SACS: variants seen among roughly 807,000 people sequenced by gnomAD.
SACS encodes sacsin.
Under a neutral mutation model 348.0 loss-of-function variants are expected in SACS, and 197 were observed. That is an observed-to-expected ratio of 0.57 (90% CI 0.50 to 0.64). SACS has a LOEUF of 0.64. Among genes scored for constraint, SACS ranks in the 30% least tolerant of loss-of-function variants. The pLI is 0.00. For synonymous variants in SACS, 1,985 were observed against 1,910.6 expected, an observed-to-expected ratio of 1.04 and a Z score of -1.02; for missense variants, 4,999 against 5,360.8, an observed-to-expected ratio of 0.93 and a Z score of 2.11.
chr13:23,390,363 A>T (rs1057337545), intron 2 of SACS, among the ~76,000 whole-genome samples: 1 of 152,194 alleles, frequency 6.6e-6, no homozygotes, highest in African/African-American at 2.4e-5. Context: ...AACAAATGAG[A>T]TCATTTAAAA....
chr13:23,337,743 T>G lies in SACS; in HGVS notation c.6133A>C (p.Ile2045Leu). The G allele has an allele frequency of 6.2e-7, 1 of 1,613,910 alleles. No individual in the cohort carries two copies. The highest frequency in any genetic ancestry group is 2.2e-5 in the East Asian group (1 of 44,874). Residue 2045 changes from isoleucine to leucine, a missense_variant, in exon 10 of 10, where the codon ATA (isoleucine) becomes CTA (leucine). Ile to Leu is a conservative substitution (Grantham distance 5, BLOSUM62 2). Around this residue, in one of 6 missense-constraint regions of SACS, gnomAD observed 3,156 missense variants for 3,380.1 expected, o/e 0.93. Coordinates refer to ENST00000382292, the MANE Select transcript of SACS (RefSeq NM_014363.6). ...TCTGAAAATGTGTTTTCAAGTAGTA[T>G]CTGTTTGCAGCCAGCTTCTTCAAAT... is the stretch of plus-strand genomic sequence containing the variant. ...LGFEEAGCKQ[I>L]LLENTFSEKQ...
At chr13:23,383,109 T>C (rs1246260076) in intron 2 of SACS, among the ~76,000 whole-genome samples, 1 of 152,190 alleles carries the variant, frequency 6.6e-6, no homozygotes. Flanking sequence ...TTTCTGAATA[T>C]TTTCCAATTT....
rs1883476814 is a variant in SACS, at chr13:23,331,555, T to C, written c.12321A>G (p.Lys4107=). The C allele has an allele frequency of 6.2e-7, 1 of 1,613,892 alleles. No individual in the cohort carries two copies. The highest frequency in any genetic ancestry group is 8.5e-7 in the Non-Finnish European group (1 of 1,179,818). ...NFLLALAMTL[K]SATDNLISDT... ...CAGAAATCAAATTGTCAGTTGCTGA[T>C]TTAAGAGTCATTGCCAATGCTAACA... is the stretch of plus-strand genomic sequence containing the variant. Residue 4107 remains lysine (K), a synonymous_variant, in exon 10 of 10, where the codon AAA becomes AAG. Coordinates refer to ENST00000382292, the MANE Select transcript of SACS (RefSeq NM_014363.6).
intron 2 of SACS, among the ~76,000 whole-genome samples, chr13:23,395,018 G>T (rs1336032953): frequency 6.6e-6 from 1 of 152,206 alleles, no homozygotes; most frequent in East Asian, 1.9e-4. Context: ...AGTGCTCCAG[G>T]TAAAGACAGA....
At position 23,375,625 on chromosome 13, in the gene SACS, C is replaced by A. The variant is rs564968092; in HGVS notation, c.21-356G>T. 3.5e-3 allele frequency: 3,392 copies of A among 958,254 alleles called. 10 individuals are homozygous for A. Among genetic ancestry groups the A allele is most frequent in the Non-Finnish European group, 4.0e-3 (3,238 of 801,912 alleles). The allele number at this position is 958,254 out of a possible 1,614,324, so 59.4% of individuals were successfully genotyped here. ...CGGGGACACGCCCACCCGCCGGGAC[C>A]GTTAGCTGGGGATCCGCCCCGCCCC... On this transcript the variant is annotated intron_variant, in intron 2 of 9. Transcript: ENST00000382292.
intron 2 of SACS, among the ~76,000 whole-genome samples, chr13:23,409,537 G>A (rs914387434): frequency 1.3e-5 from 2 of 149,314 alleles, no homozygotes; most frequent in East Asian, 2.0e-4. Context: ...TAGTAAAGAC[G>A]GGGTTTTGCC....
chr13:23,386,993 A>G (rs1872314769), intron 2 of SACS, among the ~76,000 whole-genome samples: 1 of 152,206 alleles, frequency 6.6e-6, no homozygotes, highest in Non-Finnish European at 1.5e-5. Context: ...GTGACACCAT[A>G]GATTAGTAAT....
intron 6 of SACS, among the ~76,000 whole-genome samples, chr13:23,359,117 G>A (rs1870574633): frequency 1.3e-5 from 2 of 152,130 alleles, no homozygotes; most frequent in Admixed American, 1.3e-4. Context: ...GAGAGGCAGA[G>A]GCTTCAGTGA....
chr13:23,338,502 G>GAGC lies in SACS; in HGVS notation c.5371_5373dup (p.Ala1791dup). ...TGGCCAGACTTAGCCATTTCAAAGA[G>GAGC]AGCAGCTGGGTCATCATCTGGACCT... On this transcript the variant is annotated inframe_insertion, in exon 10 of 10. Coordinates refer to ENST00000382292, the MANE Select transcript of SACS (RefSeq NM_014363.6). The GAGC allele has an allele frequency of 6.2e-7, 1 of 1,614,160 alleles. No homozygotes were observed. Among genetic ancestry groups the GAGC allele is most frequent in the South Asian group, 1.1e-5 (1 of 91,084 alleles).
intron 2 of SACS, among the ~76,000 whole-genome samples, chr13:23,396,140 A>C (rs997078437): frequency 6.6e-6 from 1 of 152,142 alleles, no homozygotes. Flanking sequence ...CCTGGCCAAC[A>C]TGGTGAAACC....
intron 9 of SACS, among the ~76,000 whole-genome samples, chr13:23,353,426 T>C (rs1336469776): frequency 6.6e-6 from 1 of 152,226 alleles, no homozygotes; most frequent in Non-Finnish European, 1.5e-5. Flanking sequence ...TCTCCTCTTC[T>C]GTGAAATTTA....
Position 23,354,759 on chromosome 13 carries a change from G to A in SACS, c.1853C>T (p.Ser618Phe), listed in dbSNP as rs1333181925. ...CACCTTCCTCACAGGTGTTGTGCCA[G>A]AGGCAGCTGTGAGCTGAACAGCAGC... is the stretch of plus-strand genomic sequence containing the variant. ...VDAAVQLTAASGTTPVRKVTP... is the reference protein window; with the variant it reads ...VDAAVQLTAAFGTTPVRKVTP... Residue 618 changes from serine to phenylalanine, a missense_variant, in exon 8 of 10, where the codon TCT becomes TTT. Coordinates refer to ENST00000382292, the MANE Select transcript of SACS (RefSeq NM_014363.6). 14 of 1,613,912 alleles carry A rather than the reference G, an allele frequency of 8.7e-6. No individual in the cohort carries two copies. Among genetic ancestry groups the A allele is most frequent in the Non-Finnish European group, 1.2e-5 (14 of 1,179,948 alleles).
intron 2 of SACS, among the ~76,000 whole-genome samples, chr13:23,384,677 A>T (rs1034616423): frequency 6.6e-6 from 1 of 152,178 alleles, no homozygotes; most frequent in African/African-American, 2.4e-5. Flanking sequence ...ATGGTGAAAA[A>T]AACAGGGCCC....
At chr13:23,396,374 G>A (rs1213402909) in intron 2 of SACS, among the ~76,000 whole-genome samples, 1 of 149,428 alleles carries the variant, frequency 6.7e-6, no homozygotes. Flanking sequence ...AAAACTCCCA[G>A]AAATCCAGAT....
Position 23,330,868 on chromosome 13 carries a change from C to T in SACS, c.13008G>A (p.Trp4336Ter). 6.2e-7 allele frequency: 1 copy of T among 1,614,018 alleles called. No individual in the cohort carries two copies. The highest frequency in any genetic ancestry group is 8.5e-7 in the Non-Finnish European group (1 of 1,180,006). ...GGTTCTCTGGATTTTTGTCAGGATGCCATTTCAAATACAACCGCCTAATAA... is the reference window on the plus strand; with the variant it reads ...GGTTCTCTGGATTTTTGTCAGGATGTCATTTCAAATACAACCGCCTAATAA... ...KKIIRRLYLK[W>*]HPDKNPENHD... The change falls in exon 10 of 10, where the codon TGG becomes TGA. Residue 4336 changes from tryptophan (W) to a stop codon, truncating the protein, a stop_gained. Transcript: ENST00000382292. LOFTEE classifies it high-confidence loss of function.
chr13:23,422,673 T>A (rs1874001178), intron 1 of SACS, among the ~76,000 whole-genome samples: 2 of 152,130 alleles, frequency 1.3e-5, no homozygotes, highest in Non-Finnish European at 2.9e-5. Flanking sequence ...TTTTTTTTTT[T>A]TTTGAGACGG....
intron 1 of SACS, chr13:23,427,808 A>G (rs1434048918): frequency 6.6e-6 from 1 of 152,296 alleles, no homozygotes; most frequent in Non-Finnish European, 1.5e-5. Context: ...AAACTAGGAC[A>G]GCAACACCTG....
At position 23,340,816 on chromosome 13, in the gene SACS, T is replaced by C. The variant is rs746764976; in HGVS notation, c.3060A>G (p.Leu1020=). 55 of 1,600,468 alleles carry C rather than the reference T, an allele frequency of 3.4e-5. No homozygotes were observed. In the Admixed American group the frequency reaches 3.5e-4, roughly 10 times the overall value. ...TQLMLWVLEN[L]SSLKNENPNV... ...TTGGATTCTCATTTTTAAGAGAAGA[T>C]AGATTCTCAAGGACCCATAACATAA... Residue 1020 remains leucine (L), a synonymous_variant, in exon 10 of 10, where the codon CTA becomes CTG. Coordinates refer to ENST00000382292, the MANE Select transcript of SACS (RefSeq NM_014363.6).
At position 23,338,848 on chromosome 13, in the gene SACS, A is replaced by G; in HGVS notation, c.5028T>C (p.Phe1676=). 6.2e-6 allele frequency: 10 copies of G among 1,613,038 alleles called. No individual in the cohort carries two copies. Among genetic ancestry groups the G allele is most frequent in the Non-Finnish European group, 8.5e-6 (10 of 1,179,876 alleles). The change falls in exon 10 of 10, where the codon TTT becomes TTC. Residue 1676 remains phenylalanine (F), a synonymous_variant. Coordinates refer to ENST00000382292, the MANE Select transcript of SACS (RefSeq NM_014363.6). Reference sequence around the variant, plus strand: ...TGATAAGCCTGTGTCCACAGAGACTAAATTCATCCACAAGAGAATAAATAT... The same window carrying G: ...TGATAAGCCTGTGTCCACAGAGACTGAATTCATCCACAAGAGAATAAATAT... ...TADIYSLVDE[F]SLCGHRLIIF...
Sources: allele counts gnomAD v4.1 joint callset (sites outside exome capture counted in the v4.1 genomes callset), GRCh38; gene constraint gnomAD v4.1.1; regional missense constraint gnomAD v4.1.1; transcripts MANE v1.5; gene names NCBI Gene and HGNC (gene_info 2026-07-23, HGNC 2026-07-21).